FBN2: variants seen among roughly 807,000 people sequenced by gnomAD.
The protein encoded by FBN2 is fibrillin 2, also known as fibrillin-2.
In FBN2, 105 loss-of-function variants were observed where a neutral mutation model predicts 355.6. The ratio of observed to expected loss-of-function variants is 0.30; its 90% CI spans 0.25 to 0.35. FBN2 has a LOEUF of 0.35. Among genes scored for constraint, FBN2 ranks in the 10% least tolerant of loss-of-function variants. FBN2 has a pLI of 1.00. For missense variants in FBN2, 3,280 were observed against 3,758.7 expected (o/e 0.87, Z 3.33); for synonymous variants, 1,350 against 1,301.2 (o/e 1.04, Z -0.81).
intron 30 of FBN2, 51 bp downstream of exon 30, chr5:128,335,119 G>A: frequency 1.9e-6 from 3 of 1,610,142 alleles, no homozygotes; most frequent in South Asian, 1.1e-5. Context: ...GTGCATGTGG[G>A]TGTGTGTGCA....
At chr5:128,365,779 T>A (rs545736857) in intron 17 of FBN2, among the ~76,000 whole-genome samples, 1 of 151,424 alleles carries the variant, frequency 6.6e-6, no homozygotes, top group South Asian at 2.1e-4. Context: ...TATTAAAATA[T>A]AAAAGAATCT....
At chr5:128,433,549 A>G (rs774518277) in intron 7 of FBN2, among the ~76,000 whole-genome samples, 113 of 152,234 alleles carry the variant, frequency 7.4e-4, no homozygotes, top group Non-Finnish European at 1.3e-3. Context: ...GCTTTGATTT[A>G]TAGTCACATA....
intron 5 of FBN2, among the ~76,000 whole-genome samples, chr5:128,473,863 T>A (rs745631132): frequency 6.6e-5 from 10 of 152,256 alleles, no homozygotes; most frequent in Non-Finnish European, 1.3e-4. Context: ...AATGAGTAAT[T>A]ACTTTAATTA....
Position 128,351,025 on chromosome 5 carries a change from G to A in FBN2, c.2675-20C>T, listed in dbSNP as rs754444318. 1.2e-6 allele frequency: 2 copies of A among 1,613,950 alleles called. No homozygotes were observed. The highest frequency in any genetic ancestry group is 2.7e-5 in the African/African-American group (2 of 74,926). ...GGCTGTCTGAAAAGGAACAGGAAAG[G>A]TTGGGGAGCTCTTACCTCTGAAGAA... On this transcript the variant is annotated intron_variant, in intron 20 of 64. Coordinates refer to ENST00000262464, the MANE Select transcript of FBN2 (RefSeq NM_001999.4).
chr5:128,294,861 T>C (rs1040256135), intron 48 of FBN2, among the ~76,000 whole-genome samples: 1 of 94,090 alleles, frequency 1.1e-5, no homozygotes, highest in African/African-American at 4.2e-5. Flanking sequence ...TTGTCAATTT[T>C]GTCTTTTGTT....
intron 16 of FBN2, among the ~76,000 whole-genome samples, chr5:128,367,608 T>G (rs555243346): frequency 6.6e-6 from 1 of 152,240 alleles, no homozygotes; most frequent in African/African-American, 2.4e-5. Context: ...TATATGAAAA[T>G]TATGTTTTAA....
chr5:128,477,302 T>A (rs1755028937), intron 5 of FBN2, among the ~76,000 whole-genome samples: 1 of 152,156 alleles, frequency 6.6e-6, no homozygotes, highest in Non-Finnish European at 1.5e-5. Context: ...ATTGGAGTAG[T>A]TGTCTCCCAG....
intron 6 of FBN2, 76 bp downstream of exon 6, chr5:128,464,648 T>C (rs1264447631): frequency 2.2e-5 from 33 of 1,478,586 alleles, no homozygotes; most frequent in Non-Finnish European, 2.8e-5. Context: ...TACCATCCAG[T>C]GCCAGATTCT....
At chr5:128,426,419 A>C (rs899280132) in intron 7 of FBN2, among the ~76,000 whole-genome samples, 1 of 152,170 alleles carries the variant, frequency 6.6e-6, no homozygotes, top group African/African-American at 2.4e-5. Context: ...TGAAGCTGAA[A>C]GTGTTTTGAA....
intron 48 of FBN2, among the ~76,000 whole-genome samples, chr5:128,296,220 G>T (rs1455992410): frequency 6.6e-6 from 1 of 150,876 alleles, no homozygotes; most frequent in Non-Finnish European, 1.5e-5. Flanking sequence ...TTTTTGATGT[G>T]CTGCTGGATT....
At chr5:128,298,700 G>A (rs1220216966) in intron 48 of FBN2, among the ~76,000 whole-genome samples, 4 of 152,070 alleles carry the variant, frequency 2.6e-5, no homozygotes, top group Non-Finnish European at 5.9e-5. Flanking sequence ...GCTCCTTTAA[G>A]CACTTCTCTG....
chr5:128,467,959 T>A (rs562885524), intron 5 of FBN2, among the ~76,000 whole-genome samples: 1 of 152,314 alleles, frequency 6.6e-6, no homozygotes, highest in African/African-American at 2.4e-5. Flanking sequence ...CAAATAACTA[T>A]AGGAAGGTGT....
chr5:128,320,930 G>A (rs981511147), intron 34 of FBN2, among the ~76,000 whole-genome samples: 1 of 152,112 alleles, frequency 6.6e-6, no homozygotes, highest in East Asian at 1.9e-4. Context: ...TAGCACTCAT[G>A]TATCCTTCCA....
intron 11 of FBN2, among the ~76,000 whole-genome samples, chr5:128,386,181 CTTGAG>C (rs1372691688): frequency 3.3e-5 from 5 of 152,062 alleles, no homozygotes; most frequent in African/African-American, 1.2e-4. Context: ...TTTAATCAAT[CTTGAG>C]TTAATTTTTG....
rs372839477 is a variant in FBN2 at position 128,259,637 on chromosome 5, G to A, written c.8557C>T (p.Leu2853Phe). ...SVFRIHQRNG[L>F]SYLHTAKKKL... ...TTCTTGGCCGTGTGCAAGTAGCTGA[G>A]CCCATTCCTTTGGTGGATGCGGAAG... Residue 2853 changes from leucine (L) to phenylalanine (F), a missense_variant, in exon 65 of 65, where the codon CTC (leucine) becomes TTC (phenylalanine). Physicochemically the swap from Leu to Phe is conservative, Grantham distance 22. Coordinates refer to ENST00000262464, the MANE Select transcript of FBN2 (RefSeq NM_001999.4). The A allele has an allele frequency of 6.8e-6, 11 of 1,613,964 alleles. No individual in the cohort carries two copies. In the African/African-American group the frequency reaches 1.5e-4, roughly 22 times the overall value.
intron 8 of FBN2, among the ~76,000 whole-genome samples, chr5:128,397,052 G>T (rs1182854569): frequency 6.6e-6 from 1 of 151,896 alleles, no homozygotes; most frequent in Non-Finnish European, 1.5e-5. Flanking sequence ...TATAAGAATC[G>T]AACAACTCCT....
chr5:128,317,672 C>G (rs1750244556), intron 36 of FBN2, among the ~76,000 whole-genome samples: 1 of 152,086 alleles, frequency 6.6e-6, no homozygotes, highest in Non-Finnish European at 1.5e-5. Flanking sequence ...GATTCTGAAC[C>G]TTCATTACGG....
chr5:128,266,842 T>C (rs1397033177), intron 62 of FBN2, among the ~76,000 whole-genome samples: 1 of 151,184 alleles, frequency 6.6e-6, no homozygotes, highest in Non-Finnish European at 1.5e-5. Flanking sequence ...TTATTATATT[T>C]ATTTATTTAT....
At chr5:128,325,699 A>T (rs573666835) in intron 34 of FBN2, among the ~76,000 whole-genome samples, 1 of 152,188 alleles carries the variant, frequency 6.6e-6, no homozygotes, top group Non-Finnish European at 1.5e-5. Flanking sequence ...CTCTTCAGCA[A>T]CACCAATTAT....
Sources: allele counts gnomAD v4.1 joint callset (sites outside exome capture counted in the v4.1 genomes callset), GRCh38; gene constraint gnomAD v4.1.1; transcripts MANE v1.5; gene names NCBI Gene and HGNC (gene_info 2026-07-23, HGNC 2026-07-21).